The following SPAG17 variants were observed in gnomAD, a reference collection of about 807,000 sequenced individuals.
The protein encoded by SPAG17 is sperm associated antigen 17.
Under a neutral mutation model 273.6 loss-of-function variants are expected in SPAG17, and 169 were observed. The ratio of observed to expected loss-of-function variants is 0.62; its 90% CI spans 0.55 to 0.70. The LOEUF (loss-of-function observed/expected upper bound fraction) is 0.70. Among genes scored for constraint, SPAG17 ranks in the 30% least tolerant of loss-of-function variants. The probability of loss-of-function intolerance (pLI) is 0.00; values close to 1 mark genes in which losing one functional copy is unlikely to be tolerated. For synonymous variants in SPAG17, 825 were observed against 873.2 expected (o/e 0.94, Z 0.97); for missense variants, 2,557 against 2,627.8 (o/e 0.97, Z 0.59).
intron 43 of SPAG17, among the ~76,000 whole-genome samples, chr1:117,978,869 CTTT>C (rs370678516): frequency 2.9e-5 from 4 of 140,028 alleles, no homozygotes; most frequent in Non-Finnish European, 1.6e-5. Context: ...TCTTCCTCTT[CTTT>C]TTTTTTTTTT....
At chr1:118,025,970 G>A (rs568349369) in intron 26 of SPAG17, among the ~76,000 whole-genome samples, 1 of 152,236 alleles carries the variant, frequency 6.6e-6, no homozygotes, top group South Asian at 2.1e-4. Flanking sequence ...ATAAAATCCA[G>A]GACAAATTGA....
intron 4 of SPAG17, among the ~76,000 whole-genome samples, chr1:118,105,145 A>C (rs772015064): frequency 2.6e-5 from 4 of 152,152 alleles, no homozygotes; most frequent in African/African-American, 9.7e-5. Flanking sequence ...AAACAGAGAC[A>C]TCTTGATGGT....
At chr1:118,120,318 GATTAAA>G (rs149784031) in intron 3 of SPAG17, among the ~76,000 whole-genome samples, 4,335 of 151,756 alleles carry the variant, frequency 0.029, 103 homozygotes, top group South Asian at 0.071. Context: ...GTTTTTAATT[GATTAAA>G]ATTAAAATTA....
At position 118,081,612 on chromosome 1, in the gene SPAG17, G is replaced by T. The variant is rs756627139; in HGVS notation, c.1793C>A (p.Ala598Asp). 6 of 1,613,908 alleles carry T rather than the reference G, an allele frequency of 3.7e-6. No homozygotes were observed. The highest frequency in any genetic ancestry group is 1.1e-5 in the South Asian group (1 of 91,074). The stretch of plus-strand genomic sequence containing the variant: ...GCTCTCAAAAGTAAACACCTTGAAG[G>T]CTCGTTCTACTTCATTCCAGCTCAA... ...DVLSWNEVER[A>D]FKVFTFESLK... Residue 598 changes from alanine to aspartate, a missense_variant, in exon 14 of 49, where the codon GCC (alanine) becomes GAC (aspartate). Physicochemically the swap from Ala to Asp is moderately radical, Grantham distance 126. Transcript: ENST00000336338.
intron 3 of SPAG17, among the ~76,000 whole-genome samples, chr1:118,128,149 G>A (rs956378032): frequency 2.0e-5 from 3 of 151,874 alleles, no homozygotes; most frequent in African/African-American, 7.3e-5. Flanking sequence ...AGATTCCTAG[G>A]CATTTTACTT....
chr1:118,042,142 G>C lies in SPAG17; in HGVS notation c.2815-100C>G, dbSNP rs1047922248. Reference sequence around the variant, plus strand: ...AGAATATTTAACATGATTTTTGTTAGTGTATCTCTGACAAATCAAAATACT... The same window carrying C: ...AGAATATTTAACATGATTTTTGTTACTGTATCTCTGACAAATCAAAATACT... On this transcript the variant is annotated intron_variant, in intron 20 of 48. Transcript: ENST00000336338. 2.2e-6 allele frequency: 3 copies of C among 1,383,596 alleles called. No homozygotes were observed. In the African/African-American group the frequency reaches 4.4e-5, roughly 20 times the overall value. 85.7% of individuals were successfully genotyped at this position (1,383,596 alleles called of 1,614,324 possible). A position where few individuals can be genotyped will look rare whatever the true frequency, so the allele number is the denominator to read the frequency against.
chr1:118,051,829 TTATAA>T (rs1421145978), intron 20 of SPAG17, among the ~76,000 whole-genome samples: 1 of 138,470 alleles, frequency 7.2e-6, no homozygotes, highest in African/African-American at 2.6e-5. Context: ...ATATGAACTA[TTATAA>T]TATATAAACT....
At chr1:118,080,432 A>G (rs6428729) in intron 15 of SPAG17, among the ~76,000 whole-genome samples, 15,815 of 152,202 alleles carry the variant, frequency 0.1, 2,242 homozygotes, top group African/African-American at 0.33. Flanking sequence ...TGTGTGAGCA[A>G]CAGCAAAAAG....
At chr1:118,096,161 G>T (rs986050844) in intron 7 of SPAG17, among the ~76,000 whole-genome samples, 1 of 152,088 alleles carries the variant, frequency 6.6e-6, no homozygotes, top group African/African-American at 2.4e-5. Context: ...ACTTATTCAA[G>T]TCCTGTCCAT....
chr1:118,033,936 A>G (rs1571298607), intron 24 of SPAG17, among the ~76,000 whole-genome samples: 2 of 152,144 alleles, frequency 1.3e-5, no homozygotes, highest in African/African-American at 4.8e-5. Flanking sequence ...ACTAAGACAG[A>G]TATTATTGCT....
At chr1:118,069,779 G>A (rs1013244394) in intron 17 of SPAG17, among the ~76,000 whole-genome samples, 2 of 152,122 alleles carry the variant, frequency 1.3e-5, no homozygotes, top group African/African-American at 4.8e-5. Context: ...GAGCCTTGAG[G>A]CACTTCCATA....
intron 15 of SPAG17, among the ~76,000 whole-genome samples, chr1:118,080,502 G>A (rs1654461594): frequency 6.6e-6 from 1 of 152,194 alleles, no homozygotes; most frequent in Admixed American, 6.5e-5. Flanking sequence ...CCAAGGAATT[G>A]TGTTCTATTT....
intron 43 of SPAG17, among the ~76,000 whole-genome samples, chr1:117,979,947 T>A (rs1350413635): frequency 6.6e-6 from 1 of 152,246 alleles, no homozygotes; most frequent in East Asian, 1.9e-4. Flanking sequence ...TGTTTTATTA[T>A]GTCATAATAT....
chr1:118,033,028 GAGGC>G (rs1415658253), intron 24 of SPAG17, among the ~76,000 whole-genome samples: 1 of 152,116 alleles, frequency 6.6e-6, no homozygotes, highest in Non-Finnish European at 1.5e-5. Context: ...CATTGAAGAT[GAGGC>G]CCAGGCATTT....
intron 17 of SPAG17, among the ~76,000 whole-genome samples, chr1:118,068,024 A>C (rs550142900): frequency 6.6e-6 from 1 of 152,256 alleles, no homozygotes; most frequent in South Asian, 2.1e-4. Context: ...ACAATAAGGA[A>C]ATTGTCAATA....
intron 1 of SPAG17, among the ~76,000 whole-genome samples, chr1:118,152,661 A>C (rs1050691329): frequency 2.0e-5 from 3 of 152,126 alleles, no homozygotes; most frequent in African/African-American, 4.8e-5. Flanking sequence ...GTGTGCATGC[A>C]TGCATGCAGG....
intron 23 of SPAG17, among the ~76,000 whole-genome samples, chr1:118,037,137 C>A (rs926989028): frequency 1.3e-5 from 2 of 152,024 alleles, no homozygotes; most frequent in Non-Finnish European, 2.9e-5. Context: ...GATGGCATAT[C>A]CATAAGCAGA....
rs566374352 is a variant in SPAG17, at chr1:118,181,312, T to G, written c.87+3759A>C. 3.3e-5 allele frequency among the ~76,000 whole-genome samples: 5 copies of G among 151,732 alleles called. No homozygotes were observed. In the East Asian group the frequency reaches 9.8e-4, roughly 30 times the overall value. On this transcript the variant is annotated intron_variant, in intron 1 of 48. Coordinates refer to ENST00000336338, the MANE Select transcript of SPAG17 (RefSeq NM_206996.4). ...GTAATTACTTTAAATGTACATGTATTAAACCCTACAATAATAAAACAGAGA... is the reference window on the plus strand; with the variant it reads ...GTAATTACTTTAAATGTACATGTATGAAACCCTACAATAATAAAACAGAGA...
At chr1:118,108,008 C>T (rs893431252) in intron 4 of SPAG17, among the ~76,000 whole-genome samples, 1 of 152,122 alleles carries the variant, frequency 6.6e-6, no homozygotes, top group African/African-American at 2.4e-5. Context: ...TATATGTAGA[C>T]AATAAAACTG....
Sources: gnomAD v4.1 joint callset for allele counts (sites outside exome capture counted in the v4.1 genomes callset) on GRCh38, gnomAD v4.1.1 for gene constraint, MANE v1.5 for transcripts, NCBI Gene and HGNC (gene_info 2026-07-23, HGNC 2026-07-21) for gene names.